Variants in ZBTB20 observed in about 807,000 individuals in gnomAD.
ZBTB20 encodes zinc finger and BTB domain containing 20.
A neutral mutation model predicts 56.9 loss-of-function variants in ZBTB20; 9 were observed. That is an observed-to-expected ratio of 0.16 (90% CI 0.10 to 0.28). The LOEUF (loss-of-function observed/expected upper bound fraction) is 0.28, where lower values mean the gene tolerates loss of function less well. Among genes scored for constraint, ZBTB20 ranks in the 10% least tolerant of loss-of-function variants. ZBTB20 has a pLI of 1.00. For missense variants in ZBTB20, 655 were observed against 1,003.0 expected (o/e 0.65, Z 4.69); for synonymous variants, 417 against 420.7 (o/e 0.99, Z 0.11).
At chr3:114,579,391 T>C (rs1426187163) in intron 6 of ZBTB20, among the ~76,000 whole-genome samples, 1 of 151,522 alleles carries the variant, frequency 6.6e-6, no homozygotes, top group Non-Finnish European at 1.5e-5. Flanking sequence ...TGAACAAAAC[T>C]ACGTATCAAA....
At chr3:114,413,488 T>C (rs116134159) in intron 7 of ZBTB20, among the ~76,000 whole-genome samples, 2,731 of 152,282 alleles carry the variant, frequency 0.018, 42 homozygotes, top group South Asian at 0.06. Flanking sequence ...ATAACTCTAA[T>C]TCTTTAAGTT....
intron 6 of ZBTB20, among the ~76,000 whole-genome samples, chr3:114,522,428 G>A (rs1455228049): frequency 6.6e-6 from 1 of 152,138 alleles, no homozygotes; most frequent in East Asian, 1.9e-4. Context: ...GTGAACTACT[G>A]CAAAGGCTTT....
At chr3:114,592,601 G>A (rs1031357276) in intron 6 of ZBTB20, among the ~76,000 whole-genome samples, 1 of 152,154 alleles carries the variant, frequency 6.6e-6, no homozygotes, top group Non-Finnish European at 1.5e-5. Flanking sequence ...ATCTTCCTGG[G>A]TGATCAGCCA....
chr3:114,805,629 A>G (rs2072046803), intron 4 of ZBTB20, among the ~76,000 whole-genome samples: 1 of 151,272 alleles, frequency 6.6e-6, no homozygotes, highest in South Asian at 2.1e-4. Context: ...TAACTTATAT[A>G]ACATACAATC....
At chr3:114,936,071 G>A (rs777845334) in intron 3 of ZBTB20, among the ~76,000 whole-genome samples, 47 of 152,164 alleles carry the variant, frequency 3.1e-4, no homozygotes, top group Non-Finnish European at 5.1e-4. Flanking sequence ...TACCTGATAG[G>A]AATCAGATGA....
intron 2 of ZBTB20, among the ~76,000 whole-genome samples, chr3:115,054,837 G>C (rs1191738674): frequency 6.6e-6 from 1 of 152,018 alleles, no homozygotes; most frequent in African/African-American, 2.4e-5. Context: ...AGCTCTTTAT[G>C]CTTTTCACAC....
intron 2 of ZBTB20, among the ~76,000 whole-genome samples, chr3:115,037,133 TTAAC>T (rs2108372920): frequency 6.6e-6 from 1 of 152,316 alleles, no homozygotes; most frequent in Admixed American, 6.5e-5. Flanking sequence ...GCATTCTTCA[TTAAC>T]TATCAATCGT....
At chr3:114,367,674 G>A (rs1047686369) in intron 10 of ZBTB20, among the ~76,000 whole-genome samples, 1 of 152,160 alleles carries the variant, frequency 6.6e-6, no homozygotes, top group African/African-American at 2.4e-5. Context: ...ATACCAAGAA[G>A]ACAACATTCA....
At chr3:114,790,024 C>T (rs1261431554) in intron 5 of ZBTB20, among the ~76,000 whole-genome samples, 1 of 152,062 alleles carries the variant, frequency 6.6e-6, no homozygotes, top group Non-Finnish European at 1.5e-5. Flanking sequence ...CTCATACACA[C>T]AGACATTTTC....
chr3:114,929,326 T>A (rs1041934105), intron 3 of ZBTB20, among the ~76,000 whole-genome samples: 9 of 152,296 alleles, frequency 5.9e-5, no homozygotes, highest in African/African-American at 2.2e-4. Context: ...GGTCAATATG[T>A]TCCTACCTGG....
At chr3:115,043,175 A>G (rs975710933) in intron 2 of ZBTB20, among the ~76,000 whole-genome samples, 7 of 152,156 alleles carry the variant, frequency 4.6e-5, no homozygotes, top group African/African-American at 1.7e-4. Context: ...GAACTATAAA[A>G]TTTCTATATC....
chr3:115,104,173 G>A (rs1046595790), intron 1 of ZBTB20, among the ~76,000 whole-genome samples: 1 of 152,114 alleles, frequency 6.6e-6, no homozygotes, highest in Non-Finnish European at 1.5e-5. Context: ...GTAATAGAAT[G>A]GCCCAAACTC....
intron 9 of ZBTB20, 38 bp from the exon 10 acceptor site, chr3:114,380,442 G>A: frequency 6.8e-7 from 1 of 1,467,268 alleles, no homozygotes; most frequent in South Asian, 1.4e-5. Flanking sequence ...GGAACTGACT[G>A]CATATTTGGG....
chr3:114,919,613 G>A (rs1182340348), intron 3 of ZBTB20, among the ~76,000 whole-genome samples: 2 of 151,824 alleles, frequency 1.3e-5, no homozygotes, highest in African/African-American at 4.8e-5. Flanking sequence ...GCTGAGGCAG[G>A]AGAATCACTT....
chr3:114,692,713 T>C (rs957791784), intron 6 of ZBTB20, among the ~76,000 whole-genome samples: 3 of 152,102 alleles, frequency 2.0e-5, no homozygotes, highest in African/African-American at 4.8e-5. Context: ...TAATACTTTA[T>C]CTATACACCC....
At chr3:114,793,019 G>C (rs140563613) in intron 5 of ZBTB20, among the ~76,000 whole-genome samples, 38 of 151,860 alleles carry the variant, frequency 2.5e-4, no homozygotes, top group Non-Finnish European at 4.3e-4. Context: ...GGGATTTCAG[G>C]AACCTGCCAC....
intron 4 of ZBTB20, among the ~76,000 whole-genome samples, chr3:114,855,088 A>G (rs1200000113): frequency 6.6e-6 from 1 of 152,210 alleles, no homozygotes; most frequent in South Asian, 2.1e-4. Context: ...TAAAAACCAC[A>G]TCACTATCAA....
At chr3:114,723,287 T>C (rs992462818) in intron 5 of ZBTB20, among the ~76,000 whole-genome samples, 15 of 152,160 alleles carry the variant, frequency 9.9e-5, no homozygotes, top group African/African-American at 3.6e-4. Flanking sequence ...TTACAAATGG[T>C]TTTCCATAAT....
At chr3:115,053,557 A>C (rs2081634304) in intron 2 of ZBTB20, among the ~76,000 whole-genome samples, 1 of 152,170 alleles carries the variant, frequency 6.6e-6, no homozygotes, top group South Asian at 2.1e-4. Context: ...AATTTGATAA[A>C]AATTTCTTTT....
Sources: gnomAD v4.1 joint callset for allele counts (sites outside exome capture counted in the v4.1 genomes callset) on GRCh38, gnomAD v4.1.1 for gene constraint, MANE v1.5 for transcripts, NCBI Gene and HGNC (gene_info 2026-07-23, HGNC 2026-07-21) for gene names.